CDC73: variants seen among roughly 807,000 people sequenced by gnomAD.
The protein encoded by CDC73 is cell division cycle 73.
Under a neutral mutation model 83.7 loss-of-function variants are expected in CDC73, and 21 were observed. The observed-to-expected ratio is 0.25, with a 90% CI of 0.18 to 0.36. The LOEUF (loss-of-function observed/expected upper bound fraction) is 0.36. Among genes scored for constraint, CDC73 ranks in the 10% least tolerant of loss-of-function variants. The pLI is 1.00. For missense variants in CDC73, 342 were observed against 653.3 expected (o/e 0.52, Z 5.19); for synonymous variants, 224 against 212.9 (o/e 1.05, Z -0.45).
chr1:193,131,386 C>T (rs1243502926), intron 3 of CDC73, among the ~76,000 whole-genome samples: 1 of 152,190 alleles, frequency 6.6e-6, no homozygotes, highest in Non-Finnish European at 1.5e-5. Flanking sequence ...ATGACAACTT[C>T]TTACCATTCT....
At chr1:193,235,832 TTAAAG>T (rs1677748594) in intron 14 of CDC73, among the ~76,000 whole-genome samples, 1 of 152,212 alleles carries the variant, frequency 6.6e-6, no homozygotes, top group African/African-American at 2.4e-5. Flanking sequence ...ATATTTTTAG[TTAAAG>T]TAAAATATTT....
intron 5 of CDC73, 97 bp downstream of exon 5, chr1:193,135,686 C>CT: frequency 2.0e-6 from 2 of 1,011,526 alleles, no homozygotes; most frequent in Admixed American, 2.5e-5. Flanking sequence ...ACCTGAGGAG[C>CT]TTTTTTTCTG....
At chr1:193,201,495 T>C (rs973277087) in intron 10 of CDC73, among the ~76,000 whole-genome samples, 1 of 152,234 alleles carries the variant, frequency 6.6e-6, no homozygotes, top group African/African-American at 2.4e-5. Flanking sequence ...TTTTAACAGC[T>C]AGCTCTAGTC....
chr1:193,253,222 T>C lies in CDC73; in HGVS notation c.*2510T>C, dbSNP rs1003330578. 2 of 232,452 alleles carry C rather than the reference T, an allele frequency of 8.6e-6. No homozygotes were observed. Among genetic ancestry groups the C allele is most frequent in the African/African-American group, 4.4e-5 (2 of 45,336 alleles). The allele number at this position is 232,452 out of a possible 1,614,324, so 14.4% of individuals were successfully genotyped here. On this transcript the variant is annotated 3_prime_UTR_variant, in exon 17 of 17. Transcript: ENST00000367435. ...TTTTAAAAATATCCATGCCTGAATC[T>C]TGATTCCCATTTTCATGTAATTTGA...
At chr1:193,180,658 A>G in intron 10 of CDC73, 2 of 1,614,120 alleles carry the variant, frequency 1.2e-6, no homozygotes, top group Non-Finnish European at 1.7e-6. Flanking sequence ...ACTTGGGTAG[A>G]GGTCTGGTGG....
intron 1 of CDC73, among the ~76,000 whole-genome samples, chr1:193,123,314 G>A (rs1204503771): frequency 6.6e-6 from 1 of 152,156 alleles, no homozygotes; most frequent in African/African-American, 2.4e-5. Context: ...TGCAATCTTT[G>A]CCTCCTGGGT....
rs531303678 is a variant in CDC73, at chr1:193,125,302, G to A, written c.237+85G>A. The A allele has an allele frequency of 2.0e-4, 170 of 853,110 alleles. 1 individual carries two copies. The highest frequency in any genetic ancestry group is 1.2e-3 in the Middle Eastern group (5 of 4,076). The allele number at this position is 853,110 out of a possible 1,614,324, so 52.8% of individuals were successfully genotyped here. ...GAGACAGGGTCTGGCCTTGTTGCCC[G>A]GGCTAGGGTGCAGTGGTGTGATCAT... is the stretch of plus-strand genomic sequence containing the variant. On this transcript the variant is annotated intron_variant, in intron 2 of 16. Transcript: ENST00000367435.
At chr1:193,162,406 T>G (rs923656105) in intron 10 of CDC73, among the ~76,000 whole-genome samples, 3 of 146,704 alleles carry the variant, frequency 2.0e-5, no homozygotes, top group Non-Finnish European at 3.0e-5. Flanking sequence ...AGAGTCTCAC[T>G]CTGTCGCTCA....
intron 14 of CDC73, among the ~76,000 whole-genome samples, chr1:193,234,798 A>G (rs757599721): frequency 6.6e-6 from 1 of 152,182 alleles, no homozygotes; most frequent in Non-Finnish European, 1.5e-5. Context: ...AGATTATTTA[A>G]TAGTGTGCTG....
In CDC73 at chr1:193,154,091, T is replaced by G. The variant is rs12090626; in HGVS notation, c.972+1647T>G. Among the ~76,000 whole-genome samples, 114 of 152,096 alleles carry G rather than the reference T, an allele frequency of 7.5e-4. 2 individuals carry two copies. The highest frequency in any genetic ancestry group is 6.3e-4 in the African/African-American group (26 of 41,464). ...GCTGAAGATTTAGTTTAAATTCTTA[T>G]GTGATTTGGTTATTGACATCTTGGG... On this transcript the variant is annotated intron_variant, in intron 10 of 16. Transcript: ENST00000367435.
In CDC73 at chr1:193,250,825, T is replaced by C. The variant is rs1294750593; in HGVS notation, c.*113T>C. On this transcript the variant is annotated 3_prime_UTR_variant, in exon 17 of 17. Transcript: ENST00000367435. Reference sequence around the variant, plus strand: ...TCTTTTATAAGACCTTATTTGATGCTTTGTGCTTCAAGGAGATGATACCTG... The same window carrying C: ...TCTTTTATAAGACCTTATTTGATGCCTTGTGCTTCAAGGAGATGATACCTG... 1.5e-5 allele frequency: 15 copies of C among 982,198 alleles called. No homozygotes were observed. The highest frequency in any genetic ancestry group is 1.9e-5 in the Non-Finnish European group (12 of 620,878). The allele number at this position is 982,198 out of a possible 1,614,324, so 60.8% of individuals were successfully genotyped here. A position where few individuals can be genotyped will look rare whatever the true frequency, so the allele number is the denominator to read the frequency against.
chr1:193,207,666 C>A (rs1402727533), intron 11 of CDC73, among the ~76,000 whole-genome samples: 1 of 152,154 alleles, frequency 6.6e-6, no homozygotes, highest in African/African-American at 2.4e-5. Context: ...CACAGGCAGG[C>A]AGACCTTATG....
intron 10 of CDC73, among the ~76,000 whole-genome samples, chr1:193,201,512 A>C (rs1677091677): frequency 6.6e-6 from 1 of 152,126 alleles, no homozygotes; most frequent in African/African-American, 2.4e-5. Context: ...AGTCTGTAAA[A>C]AATAATCCCA....
chr1:193,155,007 T>C (rs1447192108), intron 10 of CDC73, among the ~76,000 whole-genome samples: 1 of 152,234 alleles, frequency 6.6e-6, no homozygotes, highest in East Asian at 1.9e-4. Flanking sequence ...GGTTTTGATA[T>C]GCCTGGTTGA....
At chr1:193,180,616 C>A (rs1021947985) in intron 10 of CDC73, 1 of 1,614,038 alleles carries the variant, frequency 6.2e-7, no homozygotes, top group African/African-American at 1.3e-5. Context: ...AAAAACATAA[C>A]CAGTTCCAGA....
chr1:193,173,702 G>T (rs997191050), intron 10 of CDC73, among the ~76,000 whole-genome samples: 1 of 152,084 alleles, frequency 6.6e-6, no homozygotes, highest in African/African-American at 2.4e-5. Flanking sequence ...GAAATCCTGT[G>T]AATCCTCTTT....
intron 10 of CDC73, among the ~76,000 whole-genome samples, chr1:193,171,753 G>A (rs1676520968): frequency 6.6e-6 from 1 of 152,104 alleles, no homozygotes; most frequent in Non-Finnish European, 1.5e-5. Flanking sequence ...GCCATGTAAT[G>A]TTAAAATATT....
At chr1:193,229,164 C>T (rs1371977380) in intron 13 of CDC73, among the ~76,000 whole-genome samples, 1 of 152,174 alleles carries the variant, frequency 6.6e-6, no homozygotes, top group Non-Finnish European at 1.5e-5. Context: ...TGGAAAACTT[C>T]CTGGCAGTTT....
intron 6 of CDC73, among the ~76,000 whole-genome samples, chr1:193,141,334 C>A (rs1220340261): frequency 6.6e-6 from 1 of 152,070 alleles, no homozygotes; most frequent in African/African-American, 2.4e-5. Flanking sequence ...TAAAATATGG[C>A]TTTATCTTCC....
Sources: gnomAD v4.1 joint callset for allele counts (sites outside exome capture counted in the v4.1 genomes callset) on GRCh38, gnomAD v4.1.1 for gene constraint, MANE v1.5 for transcripts, NCBI Gene and HGNC (gene_info 2026-07-23, HGNC 2026-07-21) for gene names.